CCNY: variants seen among roughly 807,000 people sequenced by gnomAD.
CCNY encodes cyclin-Y.
CCNY carries 19 observed loss-of-function variants against 42.8 expected under a neutral mutation model. The ratio of observed to expected loss-of-function variants is 0.44; its 90% CI spans 0.31 to 0.65. The LOEUF is 0.65. CCNY is among the 30% of genes least tolerant of loss of function. CCNY has a pLI of 0.07. For missense variants in CCNY, 370 were observed against 437.3 expected (o/e 0.85, Z 1.37); for synonymous variants, 165 against 162.7 (o/e 1.01, Z -0.11).
chr10:35,541,018 C>T (rs1245355669), intron 7 of CCNY, among the ~76,000 whole-genome samples: 1 of 151,922 alleles, frequency 6.6e-6, no homozygotes, highest in East Asian at 1.9e-4. Context: ...CATTTCTTTC[C>T]ACTTTAATGT....
At chr10:35,332,028 T>C (rs1835949909), upstream of CCNY, among the ~76,000 whole-genome samples, 2 of 152,192 alleles carry the variant, frequency 1.3e-5, no homozygotes, top group Admixed American at 1.3e-4. Context: ...TCACCTGACT[T>C]GATCAAGGTC....
Position 35,569,889 on chromosome 10 carries a change from A to G in CCNY, c.*719A>G, listed in dbSNP as rs1390146616. 1 of 152,500 alleles carries G rather than the reference A, an allele frequency of 6.6e-6. No individual in the cohort carries two copies. Among genetic ancestry groups the G allele is most frequent in the Non-Finnish European group, 1.5e-5 (1 of 68,036 alleles). 9.4% of individuals were successfully genotyped at this position (152,500 alleles called of 1,614,324 possible). A position where few individuals can be genotyped will look rare whatever the true frequency, so the allele number is the denominator to read the frequency against. ...ACCAAAAGTATCCCTTTCCCTCCTT[A>G]TTCCTCACCCCAAGAACATTCTAGA... On this transcript the variant is annotated 3_prime_UTR_variant, in exon 10 of 10. Coordinates refer to ENST00000374704, the MANE Select transcript of CCNY (RefSeq NM_145012.6).
At chr10:35,546,167 C>T (rs565979019) in intron 7 of CCNY, among the ~76,000 whole-genome samples, 14 of 152,298 alleles carry the variant, frequency 9.2e-5, no homozygotes, top group East Asian at 3.9e-4. Context: ...AGCTGAAAGA[C>T]GGCAGATTTA....
intron 3 of CCNY, among the ~76,000 whole-genome samples, chr10:35,506,440 A>G (rs1840215853): frequency 6.6e-6 from 1 of 152,170 alleles, no homozygotes; most frequent in African/African-American, 2.4e-5. Context: ...AGAAATGATA[A>G]TGATAATGTT....
intron 1 of CCNY, among the ~76,000 whole-genome samples, chr10:35,470,688 G>A (rs1589141870): frequency 6.6e-6 from 1 of 152,228 alleles, no homozygotes; most frequent in African/African-American, 2.4e-5. Flanking sequence ...GGCAGCCACA[G>A]CAGGAGCTGT....
At chr10:35,360,923 C>G (rs528520416) in intron 1 of CCNY, among the ~76,000 whole-genome samples, 1 of 152,134 alleles carries the variant, frequency 6.6e-6, no homozygotes, top group East Asian at 1.9e-4. Flanking sequence ...TGCAACGGCA[C>G]GATCTCAGCT....
intron 1 of CCNY, among the ~76,000 whole-genome samples, chr10:35,361,647 T>C (rs1836689026): frequency 6.6e-6 from 1 of 152,232 alleles, no homozygotes; most frequent in South Asian, 2.1e-4. Flanking sequence ...GGTCTGAGAA[T>C]CGGCATTCTG....
At chr10:35,312,747 CTTTTTTTTTTT>C (rs10688043) in intron 3 of CCNY, among the ~76,000 whole-genome samples, 3 of 112,158 alleles carry the variant, frequency 2.7e-5, no homozygotes, top group Non-Finnish European at 5.2e-5. Flanking sequence ...TTCCTTTTTA[CTTTTTTTTTTT>C]TTTTTTTTTT....
chr10:35,287,538 G>A lies in CCNY; in HGVS notation c.-9+36912G>A, dbSNP rs562202898. On this transcript the variant is annotated intron_variant, in intron 3 of 11. Coordinates refer to the CCNY transcript ENST00000374706. ...GCAAATACTGATCTGTTTTCTTTCC[G>A]TATTAATTTTGCCTGTTCTAGAATT... Among the ~76,000 whole-genome samples, 192 of 152,120 alleles carry A rather than the reference G, an allele frequency of 1.3e-3. 1 individual carries two copies. The highest frequency in any genetic ancestry group is 2.2e-3 in the Non-Finnish European group (153 of 68,000).
Position 35,337,003 on chromosome 10 carries a change from C to CCCGGA in CCNY, c.-47_-46insACCGG. On this transcript the variant is annotated 5_prime_UTR_variant, in exon 1 of 10. Transcript: ENST00000374704. The stretch of plus-strand genomic sequence containing the variant: ...GCCCCGCGTCCACCCGCGCCCCGCT[C>CCCGGA]CCGGGGACTGGGAGAACAGGATAGC... 2.9e-6 allele frequency: 4 copies of CCCGGA among 1,360,484 alleles called. No homozygotes were observed. Among genetic ancestry groups the CCCGGA allele is most frequent in the Non-Finnish European group, 3.9e-6 (4 of 1,037,034 alleles). 84.3% of individuals were successfully genotyped at this position (1,360,484 alleles called of 1,614,324 possible). A position where few individuals can be genotyped will look rare whatever the true frequency, so the allele number is the denominator to read the frequency against.
At chr10:35,513,464 C>T (rs1840362949) in intron 3 of CCNY, among the ~76,000 whole-genome samples, 1 of 152,174 alleles carries the variant, frequency 6.6e-6, no homozygotes. Flanking sequence ...ATGTTGCAGG[C>T]ATTAGGCATA....
chr10:35,435,095 C>T (rs970104357), intron 1 of CCNY, among the ~76,000 whole-genome samples: 3 of 152,170 alleles, frequency 2.0e-5, no homozygotes, highest in Non-Finnish European at 2.9e-5. Context: ...GTTGAGGCAT[C>T]AACATGTGGA....
intron 1 of CCNY, among the ~76,000 whole-genome samples, chr10:35,374,792 A>G (rs998770878): frequency 6.6e-6 from 1 of 152,250 alleles, no homozygotes; most frequent in Non-Finnish European, 1.5e-5. Context: ...ATAGTGGGAA[A>G]AAAAGGGGAT....
intron 1 of CCNY, among the ~76,000 whole-genome samples, chr10:35,404,729 G>T (rs1837720511): frequency 6.6e-6 from 1 of 152,184 alleles, no homozygotes; most frequent in Non-Finnish European, 1.5e-5. Context: ...TTTTGTGGAA[G>T]GGGTTGGGGT....
At position 35,337,225 on chromosome 10, in the gene CCNY, A is replaced by T; in HGVS notation, c.154+18A>T. 6.7e-7 allele frequency: 1 copy of T among 1,503,418 alleles called. No homozygotes were observed. Among genetic ancestry groups the T allele is most frequent in the South Asian group, 1.2e-5 (1 of 80,460 alleles). The allele number at this position is 1,503,418 out of a possible 1,614,324, so 93.1% of individuals were successfully genotyped here. ...CATAGACGGTGAGTGCGGCCCGCCGAGCCCCCTACCCGCCCCCGCGGCAAC... is the reference window on the plus strand; with the variant it reads ...CATAGACGGTGAGTGCGGCCCGCCGTGCCCCCTACCCGCCCCCGCGGCAAC... On this transcript the variant is annotated intron_variant, in intron 1 of 9. Coordinates refer to ENST00000374704, the MANE Select transcript of CCNY (RefSeq NM_145012.6).
At chr10:35,354,673 A>G (rs955111603) in intron 1 of CCNY, among the ~76,000 whole-genome samples, 6 of 152,198 alleles carry the variant, frequency 3.9e-5, no homozygotes, top group Non-Finnish European at 5.9e-5. Flanking sequence ...CATTGTGTTT[A>G]ACAGAAGTTC....
chr10:35,566,234 C>T (rs1841570134), intron 9 of CCNY, 49 bp downstream of exon 9: 1 of 1,557,694 alleles, frequency 6.4e-7, no homozygotes, highest in African/African-American at 1.4e-5. Context: ...GCCAATACAT[C>T]ATCTGAGTAC....
intron 3 of CCNY, among the ~76,000 whole-genome samples, chr10:35,290,191 A>G (rs780351876): frequency 3.6e-4 from 53 of 148,218 alleles, no homozygotes; most frequent in Non-Finnish European, 5.8e-4. Context: ...GCACCACTGC[A>G]CTCCAGCCTG....
chr10:35,441,224 G>A (rs1406088488), intron 1 of CCNY, among the ~76,000 whole-genome samples: 1 of 152,208 alleles, frequency 6.6e-6, no homozygotes, highest in Non-Finnish European at 1.5e-5. Context: ...ACCATTGTAA[G>A]CCAAGAACAA....
Sources: allele counts gnomAD v4.1 joint callset (sites outside exome capture counted in the v4.1 genomes callset), GRCh38; gene constraint gnomAD v4.1.1; transcripts MANE v1.5; gene names NCBI Gene and HGNC (gene_info 2026-07-23, HGNC 2026-07-21).